The following PTPRD variants were observed in gnomAD, a reference collection of about 807,000 sequenced individuals.
PTPRD encodes protein tyrosine phosphatase receptor type D.
Under a neutral mutation model 214.5 loss-of-function variants are expected in PTPRD, and 34 were observed. The observed-to-expected ratio is 0.16, with a 90% CI of 0.12 to 0.21. PTPRD has a LOEUF of 0.21. Among genes scored for constraint, PTPRD ranks in the 10% least tolerant of loss-of-function variants. The probability of loss-of-function intolerance (pLI) is 1.00; values close to 1 mark genes in which losing one functional copy is unlikely to be tolerated. For missense variants in PTPRD, 2,545 were observed against 2,398.7 expected, an observed-to-expected ratio of 1.06 and a Z score of -1.27; for synonymous variants, 1,128 against 845.7, an observed-to-expected ratio of 1.33 and a Z score of -5.79.
intron 9 of PTPRD, among the ~76,000 whole-genome samples, chr9:9,184,400 C>T (rs902568788): frequency 6.6e-6 from 1 of 151,968 alleles, no homozygotes; most frequent in African/African-American, 2.4e-5. Flanking sequence ...ATGTTTCTTA[C>T]CTATAGGTTA....
chr9:9,577,260 T>C (rs967683928), intron 7 of PTPRD, among the ~76,000 whole-genome samples: 2 of 152,148 alleles, frequency 1.3e-5, no homozygotes, highest in African/African-American at 4.8e-5. Context: ...CAGGCAAATA[T>C]ACATTTAAAA....
At chr9:9,187,672 G>C (rs941946924) in intron 9 of PTPRD, among the ~76,000 whole-genome samples, 3 of 151,688 alleles carry the variant, frequency 2.0e-5, no homozygotes, top group Admixed American at 6.6e-5. Context: ...GACTGATTTG[G>C]AGCTGTGTTA....
chr9:10,119,060 A>G (rs2098753980), intron 3 of PTPRD, among the ~76,000 whole-genome samples: 1 of 151,902 alleles, frequency 6.6e-6, no homozygotes. Flanking sequence ...TAAAGTTACA[A>G]CAAACGTAGA....
At chr9:9,456,591 ATTAGCCTCT>A (rs1359363012) in intron 8 of PTPRD, among the ~76,000 whole-genome samples, 1 of 151,882 alleles carries the variant, frequency 6.6e-6, no homozygotes, top group Non-Finnish European at 1.5e-5. Flanking sequence ...TCAGGTCACT[ATTAGCCTCT>A]AACTATCACC....
rs2099153728 is a variant in PTPRD, at chr9:10,165,553, T to C, written c.-544-131763A>G. ...GCATTCTTATATATGACAATACGGC[T>C]AGTAAAATGTTTTGTTTAGTTGCCA... On this transcript the variant is annotated intron_variant, in intron 3 of 45. Transcript: ENST00000381196. 2.0e-5 allele frequency among the ~76,000 whole-genome samples: 3 copies of C among 151,858 alleles called. No homozygotes were observed. In the South Asian group the frequency reaches 6.2e-4, roughly 31 times the overall value.
At chr9:9,367,634 A>T (rs2058243450) in intron 9 of PTPRD, among the ~76,000 whole-genome samples, 1 of 151,626 alleles carries the variant, frequency 6.6e-6, no homozygotes, top group Admixed American at 6.6e-5. Flanking sequence ...AGATTGCCAG[A>T]AGTTAAATTT....
chr9:9,099,950 C>CA (rs2099789042), intron 10 of PTPRD, among the ~76,000 whole-genome samples: 1 of 151,974 alleles, frequency 6.6e-6, no homozygotes, highest in South Asian at 2.1e-4. Context: ...AAATCTGTTC[C>CA]AATTAGTGTG....
intron 2 of PTPRD, among the ~76,000 whole-genome samples, chr9:10,558,897 T>A (rs1767622844): frequency 6.6e-6 from 1 of 152,176 alleles, no homozygotes; most frequent in Admixed American, 6.6e-5. Flanking sequence ...TTGCAACTCT[T>A]TTCACACATC....
intron 10 of PTPRD, among the ~76,000 whole-genome samples, chr9:9,060,756 G>A (rs1055570194): frequency 6.6e-6 from 1 of 152,080 alleles, no homozygotes; most frequent in East Asian, 1.9e-4. Flanking sequence ...ACCGAGTGTC[G>A]TAACCTACTC....
In PTPRD at chr9:9,802,544, T is replaced by C. The variant is rs73396866; in HGVS notation, c.-367-35693A>G. Among the ~76,000 whole-genome samples the C allele has an allele frequency of 1.8e-3, 273 of 152,082 alleles. 1 individual carries two copies. The highest frequency in any genetic ancestry group is 9.1e-3 in the East Asian group (47 of 5,180). ...TCCACTTTATACATCTCTGGCTCTA[T>C]AGACTAGGGAACTCTTATAAATGTA... On this transcript the variant is annotated intron_variant, in intron 5 of 45. Coordinates refer to ENST00000381196, the MANE Select transcript of PTPRD (RefSeq NM_002839.4).
At chr9:9,602,915 A>G (rs2093883503) in intron 7 of PTPRD, among the ~76,000 whole-genome samples, 2 of 152,160 alleles carry the variant, frequency 1.3e-5, no homozygotes, top group Admixed American at 1.3e-4. Flanking sequence ...TGAATAAGAA[A>G]CAACTTATGA....
chr9:8,767,600 T>C (rs1437884140), intron 11 of PTPRD, among the ~76,000 whole-genome samples: 1 of 152,234 alleles, frequency 6.6e-6, no homozygotes, highest in Non-Finnish European at 1.5e-5. Context: ...TGGGTGGCCA[T>C]GATCAATCTT....
intron 3 of PTPRD, among the ~76,000 whole-genome samples, chr9:10,109,280 G>T (rs1472391215): frequency 6.6e-6 from 1 of 152,128 alleles, no homozygotes; most frequent in Non-Finnish European, 1.5e-5. Context: ...AAGAGGACTG[G>T]TATTAAAGCT....
At chr9:9,628,156 AG>A (rs1432779198) in intron 7 of PTPRD, among the ~76,000 whole-genome samples, 2 of 152,200 alleles carry the variant, frequency 1.3e-5, no homozygotes, top group African/African-American at 2.4e-5. Context: ...GTATAAATGT[AG>A]GCTTTAGCTG....
At chr9:10,562,343 T>G (rs78071764) in intron 2 of PTPRD, among the ~76,000 whole-genome samples, 2 of 151,784 alleles carry the variant, frequency 1.3e-5, no homozygotes, top group South Asian at 4.1e-4. Flanking sequence ...TTTTTTTTTT[T>G]GCTGCCTGTA....
intron 4 of PTPRD, among the ~76,000 whole-genome samples, chr9:9,957,149 C>T (rs185623322): frequency 6.6e-5 from 10 of 152,204 alleles, no homozygotes; most frequent in African/African-American, 2.4e-4. Context: ...AAAAATAAAT[C>T]CCATTTATAT....
intron 11 of PTPRD, among the ~76,000 whole-genome samples, chr9:8,990,787 G>A (rs2099363296): frequency 1.3e-5 from 2 of 152,154 alleles, no homozygotes; most frequent in African/African-American, 4.8e-5. Context: ...ATGCTTCAGA[G>A]AAAGGCCAGG....
chr9:9,695,123 G>A (rs1043547577), intron 7 of PTPRD, among the ~76,000 whole-genome samples: 3 of 152,102 alleles, frequency 2.0e-5, no homozygotes, highest in Admixed American at 6.6e-5. Context: ...CATACTCTCT[G>A]GGTATCGCTG....
intron 9 of PTPRD, among the ~76,000 whole-genome samples, chr9:9,320,694 T>A (rs961481506): frequency 6.6e-6 from 1 of 152,112 alleles, no homozygotes; most frequent in African/African-American, 2.4e-5. Flanking sequence ...AAGTCTAAAC[T>A]CCTCTTAGTT....
Sources: allele counts gnomAD v4.1 joint callset (sites outside exome capture counted in the v4.1 genomes callset), GRCh38; gene constraint gnomAD v4.1.1; transcripts MANE v1.5; gene names NCBI Gene and HGNC (gene_info 2026-07-23, HGNC 2026-07-21).